MYO3B: variants seen among roughly 807,000 people sequenced by gnomAD.
The protein encoded by MYO3B is myosin IIIB.
A neutral mutation model predicts 174.6 loss-of-function variants in MYO3B; 156 were observed. The observed-to-expected ratio is 0.89, with a 90% confidence interval of 0.78 to 1.02. The LOEUF is 1.02. Among genes scored for constraint, MYO3B ranks in the 50% least tolerant of loss-of-function variants. The pLI, the probability that MYO3B is intolerant of heterozygous loss-of-function variation, is 0.00. For synonymous variants in MYO3B, 563 were observed against 569.1 expected, an observed-to-expected ratio of 0.99 and a Z score of 0.15; for missense variants, 1,632 against 1,639.4, an observed-to-expected ratio of 1.00 and a Z score of 0.08.
At chr2:170,328,279 C>T (rs1209289071) in intron 7 of MYO3B, among the ~76,000 whole-genome samples, 4 of 152,132 alleles carry the variant, frequency 2.6e-5, no homozygotes, top group African/African-American at 7.2e-5. Flanking sequence ...ACCACTGGAA[C>T]GAGGTAGCAG....
intron 29 of MYO3B, among the ~76,000 whole-genome samples, chr2:170,517,233 T>C (rs747777740): frequency 2.6e-5 from 4 of 152,260 alleles, no homozygotes; most frequent in Non-Finnish European, 4.4e-5. Context: ...ATACTTCAAA[T>C]AACTCTTAAA....
chr2:170,550,183 C>T (rs950633899), intron 32 of MYO3B, among the ~76,000 whole-genome samples: 1 of 152,192 alleles, frequency 6.6e-6, no homozygotes, highest in African/African-American at 2.4e-5. Flanking sequence ...TTGAATTCAC[C>T]TTAAACCCTC....
At chr2:170,519,087 T>G (rs145313109) in intron 29 of MYO3B, among the ~76,000 whole-genome samples, 222 of 152,330 alleles carry the variant, frequency 1.5e-3, no homozygotes, top group Middle Eastern at 6.8e-3. Flanking sequence ...GAAGCTGATC[T>G]GCTGTCTCTG....
chr2:170,471,243 T>C (rs983185352), intron 25 of MYO3B, among the ~76,000 whole-genome samples: 2 of 151,998 alleles, frequency 1.3e-5, no homozygotes, highest in African/African-American at 4.8e-5. Context: ...AGAGATGGGG[T>C]TTCACCATGT....
intron 7 of MYO3B, among the ~76,000 whole-genome samples, chr2:170,276,067 A>G (rs1466380263): frequency 5.3e-5 from 8 of 152,198 alleles, no homozygotes; most frequent in African/African-American, 1.9e-4. Context: ...GGAAGCAATC[A>G]TTCGTAGATT....
At chr2:170,489,331 G>A (rs752249826) in intron 25 of MYO3B, among the ~76,000 whole-genome samples, 1 of 152,144 alleles carries the variant, frequency 6.6e-6, no homozygotes. Context: ...GAGTTTTGAC[G>A]CAGGGCAGGG....
At chr2:170,630,930 T>C (rs1696910931) in intron 32 of MYO3B, among the ~76,000 whole-genome samples, 1 of 152,148 alleles carries the variant, frequency 6.6e-6, no homozygotes, top group Non-Finnish European at 1.5e-5. Context: ...CAAAGGTAGA[T>C]AAAACCACAA....
intron 32 of MYO3B, among the ~76,000 whole-genome samples, chr2:170,557,628 G>A (rs1691422171): frequency 6.6e-6 from 1 of 152,124 alleles, no homozygotes; most frequent in South Asian, 2.1e-4. Context: ...TATAATACAG[G>A]GAGCAAGAGC....
intron 7 of MYO3B, among the ~76,000 whole-genome samples, chr2:170,238,166 T>A (rs1172754808): frequency 2.0e-5 from 3 of 152,236 alleles, no homozygotes; most frequent in African/African-American, 7.2e-5. Flanking sequence ...GGGTTATGGA[T>A]TGACCAAATG....
At chr2:170,366,664 A>G (rs949050026) in intron 8 of MYO3B, among the ~76,000 whole-genome samples, 1 of 152,198 alleles carries the variant, frequency 6.6e-6, no homozygotes, top group Non-Finnish European at 1.5e-5. Flanking sequence ...TCTTCAAGAA[A>G]TAACAGATTT....
intron 32 of MYO3B, among the ~76,000 whole-genome samples, chr2:170,552,091 G>GT (rs1286067300): frequency 1.3e-5 from 2 of 152,208 alleles, no homozygotes; most frequent in Non-Finnish European, 2.9e-5. Flanking sequence ...GTCTCAGGTA[G>GT]TTTTTTATAG....
chr2:170,551,563 A>T (rs930518875), intron 32 of MYO3B, among the ~76,000 whole-genome samples: 3 of 148,542 alleles, frequency 2.0e-5, no homozygotes, highest in Admixed American at 6.7e-5. Context: ...AAAAAAAAAA[A>T]AAAATCTAGG....
intron 32 of MYO3B, among the ~76,000 whole-genome samples, chr2:170,601,403 G>A (rs1694500504): frequency 6.6e-6 from 1 of 152,136 alleles, no homozygotes. Context: ...ACCAGGCAAG[G>A]TTAGTGGCTA....
intron 28 of MYO3B, among the ~76,000 whole-genome samples, chr2:170,513,238 ACTGTGTAG>A (rs1464277573): frequency 6.6e-6 from 1 of 152,090 alleles, no homozygotes; most frequent in East Asian, 1.9e-4. Flanking sequence ...ATTACCACAA[ACTGTGTAG>A]CTGAAAACAA....
chr2:170,316,781 A>C (rs1297767310), intron 7 of MYO3B, among the ~76,000 whole-genome samples: 1 of 152,232 alleles, frequency 6.6e-6, no homozygotes, highest in African/African-American at 2.4e-5. Context: ...CATCTTGAAC[A>C]GTCCTCTGAG....
In MYO3B at chr2:170,654,463, C is replaced by CCGTCT. The variant is rs1699179996; in HGVS notation, c.*1344_*1348dup. On this transcript the variant is annotated 3_prime_UTR_variant, in exon 35 of 35. Coordinates refer to ENST00000408978, the MANE Select transcript of MYO3B (RefSeq NM_138995.5). ...CCAGCCTGACCAACATGGTGAAACC[C>CCGTCT]CGTCTCTACTAAAAAAAATAATGAT... The CCGTCT allele has an allele frequency of 6.6e-6, 1 of 151,678 alleles. No individual in the cohort carries two copies. The highest frequency in any genetic ancestry group is 6.6e-5 in the Admixed American group (1 of 15,202). The allele number at this position is 151,678 out of a possible 1,614,324, so 9.4% of individuals were successfully genotyped here. A position where few individuals can be genotyped will look rare whatever the true frequency, so the allele number is the denominator to read the frequency against.
At chr2:170,610,455 C>T (rs1175251324) in intron 32 of MYO3B, among the ~76,000 whole-genome samples, 1 of 152,184 alleles carries the variant, frequency 6.6e-6, no homozygotes, top group Non-Finnish European at 1.5e-5. Context: ...AGTCCAAGCT[C>T]TGTTAACAAA....
chr2:170,486,493 G>A (rs1390174371), intron 25 of MYO3B, among the ~76,000 whole-genome samples: 4 of 151,924 alleles, frequency 2.6e-5, no homozygotes, highest in African/African-American at 4.8e-5. Flanking sequence ...TAGTAGAGAC[G>A]GGGTTTCTCC....
intron 32 of MYO3B, among the ~76,000 whole-genome samples, chr2:170,615,010 GTT>G (rs1234187921): frequency 5.9e-5 from 9 of 151,816 alleles, no homozygotes; most frequent in African/African-American, 2.2e-4. Context: ...GTTACTTTCT[GTT>G]TCTTACATTA....
Sources: allele counts gnomAD v4.1 joint callset (sites outside exome capture counted in the v4.1 genomes callset), GRCh38; gene constraint gnomAD v4.1.1; transcripts MANE v1.5; gene names NCBI Gene and HGNC (gene_info 2026-07-23, HGNC 2026-07-21).